BDNF: variants seen among roughly 807,000 people sequenced by gnomAD.
The protein encoded by BDNF is neurotrophic factor BDNF precursor form.
Under a neutral mutation model 19.5 loss-of-function variants are expected in BDNF, and 1 was observed. The observed-to-expected ratio is 0.05, with a 90% CI of 0.02 to 0.24. The LOEUF is 0.24. BDNF is among the 10% of genes least tolerant of loss of function. BDNF has a pLI of 1.00. For synonymous variants in BDNF, 100 were observed against 121.6 expected, an observed-to-expected ratio of 0.82 and a Z score of 1.17; for missense variants, 195 against 317.6, an observed-to-expected ratio of 0.61 and a Z score of 2.93.
chr11:27,694,829 G>A (rs1355369063), intron 1 of BDNF, among the ~76,000 whole-genome samples: 1 of 152,032 alleles, frequency 6.6e-6, no homozygotes, highest in Non-Finnish European at 1.5e-5. Flanking sequence ...TGGTGTTATT[G>A]TATCTCAGAA....
intron 1 of BDNF, among the ~76,000 whole-genome samples, chr11:27,663,489 C>T (rs909296120): frequency 6.6e-6 from 1 of 152,224 alleles, no homozygotes; most frequent in Non-Finnish European, 1.5e-5. Flanking sequence ...TAACAACATG[C>T]TCTTTTACTC....
chr11:27,700,520 G>GCCCCCCCCCCCCCCCCCCC (rs67192910), upstream of BDNF: 4 of 685,732 alleles, frequency 5.8e-6, no homozygotes, highest in Admixed American at 9.5e-5. Flanking sequence ...AAACGGCGCC[G>GCCCCCCCCCCCCCCCCCCC]CCCCCCCCCC....
intron 1 of BDNF, among the ~76,000 whole-genome samples, chr11:27,711,574 TG>T (rs1482289162): frequency 6.6e-6 from 1 of 152,150 alleles, no homozygotes; most frequent in Non-Finnish European, 1.5e-5. Flanking sequence ...AGCTATAAGA[TG>T]GGGAGGCACA....
rs1018584016 is a variant in BDNF at position 27,707,871 on chromosome 11, G to A, written c.3+13541C>T. ...GGGGGGTGGTGTGTGTGGGAGGTGA[G>A]GTACTATACGGCTAGATATCCAATT... On this transcript the variant is annotated intron_variant, in intron 1 of 1. Coordinates refer to the BDNF transcript ENST00000314915. Among the ~76,000 whole-genome samples, 4 of 152,054 alleles carry A rather than the reference G, an allele frequency of 2.6e-5. No individual in the cohort carries two copies. In the South Asian group the frequency reaches 8.3e-4, roughly 32 times the overall value.
At chr11:27,682,299 T>C (rs1291214759) in intron 1 of BDNF, among the ~76,000 whole-genome samples, 1 of 151,952 alleles carries the variant, frequency 6.6e-6, no homozygotes, top group Non-Finnish European at 1.5e-5. Flanking sequence ...TAAGATCTCA[T>C]ATGTATATAT....
intron 1 of BDNF, among the ~76,000 whole-genome samples, chr11:27,710,566 C>T (rs2134104118): frequency 6.6e-6 from 1 of 152,242 alleles, no homozygotes; most frequent in Middle Eastern, 3.4e-3. Flanking sequence ...ACAAGGAAAG[C>T]CAATAAACAT....
chr11:27,721,820 T>A (rs1296221729), exon 1 of BDNF: 3 of 228,534 alleles, frequency 1.3e-5, no homozygotes, highest in Non-Finnish European at 2.6e-5. Context: ...GTCCTGGCAC[T>A]GAAAGTTCCC....
At chr11:27,715,636 A>G (rs766917204) in intron 1 of BDNF, among the ~76,000 whole-genome samples, 1 of 152,208 alleles carries the variant, frequency 6.6e-6, no homozygotes, top group Non-Finnish European at 1.5e-5. Context: ...GGAGAAAATA[A>G]TGCCTACAGC....
At chr11:27,680,623 T>C (rs1422112261) in intron 1 of BDNF, among the ~76,000 whole-genome samples, 2 of 152,230 alleles carry the variant, frequency 1.3e-5, no homozygotes, top group Admixed American at 6.5e-5. Flanking sequence ...CTACTATGTA[T>C]GTGCCCAGCA....
At chr11:27,694,239 C>T (rs915735845) in intron 1 of BDNF, among the ~76,000 whole-genome samples, 2 of 152,182 alleles carry the variant, frequency 1.3e-5, no homozygotes, top group African/African-American at 4.8e-5. Flanking sequence ...CATATATTCA[C>T]AATTTCATAA....
rs1246181540 is a variant in BDNF at position 27,718,362 on chromosome 11, C to CCCA, written c.3+3049_3+3050insTGG. On this transcript the variant is annotated intron_variant, in intron 1 of 1. Coordinates refer to the BDNF transcript ENST00000314915. The stretch of plus-strand genomic sequence containing the variant: ...TCCCCGTTCCGCACACCACCCCCCC[C>CCCA]CGCCCCTCCCGGGATTTTGCAATAA... 2.8e-5 allele frequency among the ~76,000 whole-genome samples: 4 copies of CCCA among 145,188 alleles called. No individual in the cohort carries two copies. The South Asian group carries it at 1.1e-3, about 39-fold the overall frequency.
chr11:27,678,976 T>A (rs1564966489), intron 1 of BDNF, among the ~76,000 whole-genome samples: 1 of 152,106 alleles, frequency 6.6e-6, no homozygotes, highest in Non-Finnish European at 1.5e-5. Flanking sequence ...AGAAATAACC[T>A]CATGAGGAAG....
intron 1 of BDNF, chr11:27,699,332 C>G: frequency 1.9e-6 from 3 of 1,610,888 alleles, no homozygotes; most frequent in Non-Finnish European, 2.5e-6. Flanking sequence ...GCCCGTCAGG[C>G]ACAGAGCCCC....
intron 1 of BDNF, among the ~76,000 whole-genome samples, chr11:27,697,160 CACACAGAG>C (rs1349255917): frequency 0.028 from 3,341 of 117,820 alleles, 118 homozygotes; most frequent in African/African-American, 0.093. Flanking sequence ...CACACACACA[CACACAGAG>C]AGAGAGAGAG....
Position 27,655,008 on chromosome 11 carries a change from C to T in BDNF, c.*2813G>A, listed in dbSNP as rs543296443. The T allele has an allele frequency of 3.3e-4, 50 of 151,992 alleles. No homozygotes were observed. Among genetic ancestry groups the T allele is most frequent in the Non-Finnish European group, 6.6e-4 (45 of 67,958 alleles). 9.4% of individuals were successfully genotyped at this position (151,992 alleles called of 1,614,324 possible). A position where few individuals can be genotyped will look rare whatever the true frequency, so the allele number is the denominator to read the frequency against. ...TTGTATTTACAATAGGCTTCTGATG[C>T]GGTTAAGTTTTAATGCCAATTTTTT... On this transcript the variant is annotated 3_prime_UTR_variant, in exon 2 of 2. Coordinates refer to ENST00000356660, the MANE Select transcript of BDNF (RefSeq NM_001709.5).
intron 1 of BDNF, among the ~76,000 whole-genome samples, chr11:27,691,624 A>G (rs1858310143): frequency 6.6e-6 from 1 of 152,216 alleles, no homozygotes; most frequent in Non-Finnish European, 1.5e-5. Context: ...ATCACAAAGA[A>G]TAAGTACTCA....
chr11:27,695,766 A>G (rs1858913220), intron 1 of BDNF, among the ~76,000 whole-genome samples: 1 of 150,938 alleles, frequency 6.6e-6, no homozygotes, highest in Non-Finnish European at 1.5e-5. Context: ...ACTTAATGCA[A>G]CCCATCCTCA....
At chr11:27,705,277 T>G (rs1428981805), upstream of BDNF, among the ~76,000 whole-genome samples, 2 of 152,188 alleles carry the variant, frequency 1.3e-5, no homozygotes, top group African/African-American at 2.4e-5. Context: ...AGCTGTGGTA[T>G]TAGTTGGTTT....
upstream of BDNF, among the ~76,000 whole-genome samples, chr11:27,703,955 A>G (rs955275018): frequency 5.3e-5 from 8 of 152,208 alleles, no homozygotes; most frequent in Non-Finnish European, 1.0e-4. Flanking sequence ...CCTTGCATGG[A>G]ATTCTAAATA....
Sources: gnomAD v4.1 joint callset for allele counts (sites outside exome capture counted in the v4.1 genomes callset) on GRCh38, gnomAD v4.1.1 for gene constraint, MANE v1.5 for transcripts, NCBI Gene and HGNC (gene_info 2026-07-23, HGNC 2026-07-21) for gene names.